SMOC2: variants seen among roughly 807,000 people sequenced by gnomAD.
The protein encoded by SMOC2 is SPARC related modular calcium binding 2, also known as SPARC-related modular calcium-binding protein 2.
A neutral mutation model predicts 61.4 loss-of-function variants in SMOC2; 39 were observed. That is an observed-to-expected ratio of 0.64 (90% CI 0.49 to 0.83). SMOC2 has a LOEUF of 0.83. SMOC2 is among the 40% of genes least tolerant of loss of function. The probability of loss-of-function intolerance (pLI) is 0.00; values close to 1 mark genes in which losing one functional copy is unlikely to be tolerated. For missense variants in SMOC2, 556 were observed against 592.9 expected (o/e 0.94, Z 0.65); for synonymous variants, 247 against 239.9 (o/e 1.03, Z -0.27).
At chr6:168,554,312 G>T (rs1445113215) in intron 7 of SMOC2, among the ~76,000 whole-genome samples, 1 of 152,192 alleles carries the variant, frequency 6.6e-6, no homozygotes, top group African/African-American at 2.4e-5. Flanking sequence ...AACTTGTCTC[G>T]ATTTCCATCA....
In SMOC2 at chr6:168,600,437, AAAAAAAAAC is replaced by A. The variant is rs1562374009; in HGVS notation, c.824+1435_824+1443del. 7.3e-4 allele frequency among the ~76,000 whole-genome samples: 91 copies of A among 124,736 alleles called. 1 individual carries two copies. The highest frequency in any genetic ancestry group is 1.8e-3 in the South Asian group (7 of 3,834). The allele number at this position is 124,736 out of a possible 152,430, so 81.8% of individuals were successfully genotyped here. On this transcript the variant is annotated intron_variant, in intron 8 of 12. Coordinates refer to ENST00000356284, the MANE Select transcript of SMOC2 (RefSeq NM_001166412.2). The stretch of plus-strand genomic sequence containing the variant: ...AAAAAAAAAACAAAAAAAAAAACAA[AAAAAAAAAC>A]AGTAGTTTCAACTGTTGGAAACTGG...
intron 8 of SMOC2, among the ~76,000 whole-genome samples, chr6:168,600,434 CAAA>C (rs965875287): frequency 4.7e-4 from 12 of 25,370 alleles, no homozygotes; most frequent in African/African-American, 1.4e-3. Flanking sequence ...AAAAAAAAAA[CAAA>C]AAAAAAAACA....
chr6:168,469,880 C>A (rs1418335600), intron 1 of SMOC2, among the ~76,000 whole-genome samples: 1 of 152,240 alleles, frequency 6.6e-6, no homozygotes, highest in East Asian at 1.9e-4. Flanking sequence ...GTGCATTTGT[C>A]TTTCTCGTTG....
chr6:168,560,386 G>T (rs977384730), intron 7 of SMOC2, among the ~76,000 whole-genome samples: 1 of 152,248 alleles, frequency 6.6e-6, no homozygotes, highest in African/African-American at 2.4e-5. Flanking sequence ...GAACATTTAA[G>T]TGATGGAAGA....
In SMOC2 at chr6:168,609,479, C is replaced by G. The variant is rs116349944; in HGVS notation, c.907+1240C>G. ...AGAGATCACGATGGTGCAAACACAC[C>G]CGTCCCTGTGCATGCCTAGTGAAGG... On this transcript the variant is annotated intron_variant, in intron 9 of 12. Transcript: ENST00000356284. Among the ~76,000 whole-genome samples the G allele has an allele frequency of 2.0e-3, 311 of 152,178 alleles. 1 individual carries two copies. The highest frequency in any genetic ancestry group is 7.2e-3 in the African/African-American group (298 of 41,510).
chr6:168,517,759 G>A (rs1026703631), intron 2 of SMOC2, among the ~76,000 whole-genome samples: 1 of 148,764 alleles, frequency 6.7e-6, no homozygotes. Flanking sequence ...GGGCTGGGCA[G>A]ACTCTGACGG....
chr6:168,599,625 CACACACA>C (rs1785474082), intron 8 of SMOC2, among the ~76,000 whole-genome samples: 10 of 48,876 alleles, frequency 2.0e-4, no homozygotes, highest in South Asian at 7.3e-4. Context: ...ACACTCATAC[CACACACA>C]CCCACACCCA....
chr6:168,588,192 C>G (rs1266985013), intron 7 of SMOC2, among the ~76,000 whole-genome samples: 1 of 145,282 alleles, frequency 6.9e-6, no homozygotes. Flanking sequence ...GGCATGATCT[C>G]GGCTCACTGT....
At chr6:168,659,615 AGGCTGAGTGAGGGTGGAGGTT>A (rs1787433903) in intron 11 of SMOC2, among the ~76,000 whole-genome samples, 3 of 39,850 alleles carry the variant, frequency 7.5e-5, no homozygotes, top group Non-Finnish European at 1.1e-4. Flanking sequence ...TGGAGGTTGT[AGGCTGAGTGAGGGTGGAGGTT>A]GTAGGTTGGG....
At chr6:168,633,994 T>A (rs955913582) in intron 9 of SMOC2, among the ~76,000 whole-genome samples, 2 of 152,216 alleles carry the variant, frequency 1.3e-5, no homozygotes, top group Non-Finnish European at 2.9e-5. Context: ...ACTTTGAACT[T>A]CTTCTTCCTG....
At chr6:168,518,995 G>T (rs111066665) in intron 2 of SMOC2, among the ~76,000 whole-genome samples, 1 of 150,578 alleles carries the variant, frequency 6.6e-6, no homozygotes, top group Non-Finnish European at 1.5e-5. Flanking sequence ...GTGTGTATGC[G>T]TGCATGTGTG....
chr6:168,653,307 T>G, intron 11 of SMOC2, 79 bp downstream of exon 11: 2 of 1,472,126 alleles, frequency 1.4e-6, no homozygotes, highest in Non-Finnish European at 1.8e-6. Context: ...CAAACACAAT[T>G]ACAGATTGTG....
At chr6:168,547,703 G>GA (rs1784039407) in intron 6 of SMOC2, among the ~76,000 whole-genome samples, 3 of 151,998 alleles carry the variant, frequency 2.0e-5, no homozygotes, top group African/African-American at 7.3e-5. Flanking sequence ...GGGTAAATGT[G>GA]TATCTAAACA....
chr6:168,441,992 G>T (rs1351007494), intron 1 of SMOC2, among the ~76,000 whole-genome samples: 1 of 152,228 alleles, frequency 6.6e-6, no homozygotes, highest in African/African-American at 2.4e-5. Flanking sequence ...CTCGTGCGCC[G>T]CGCGGATCCC....
intron 1 of SMOC2, among the ~76,000 whole-genome samples, chr6:168,498,883 C>G (rs978255617): frequency 5.3e-5 from 7 of 131,844 alleles, no homozygotes; most frequent in African/African-American, 1.9e-4. Context: ...GCCACAGTCT[C>G]TGGGGGGACA....
intron 1 of SMOC2, among the ~76,000 whole-genome samples, chr6:168,445,794 A>G (rs889958288): frequency 6.6e-6 from 1 of 152,182 alleles, no homozygotes; most frequent in Admixed American, 6.5e-5. Flanking sequence ...GCGTCTAAAA[A>G]CCCAAACATC....
At chr6:168,626,004 A>G (rs986131299) in intron 9 of SMOC2, among the ~76,000 whole-genome samples, 1 of 152,166 alleles carries the variant, frequency 6.6e-6, no homozygotes, top group African/African-American at 2.4e-5. Context: ...TGAGCAAGGC[A>G]ATGGTTAAGA....
intron 9 of SMOC2, among the ~76,000 whole-genome samples, chr6:168,617,569 C>T (rs1786126708): frequency 6.6e-6 from 1 of 152,200 alleles, no homozygotes; most frequent in South Asian, 2.1e-4. Flanking sequence ...CACTCACATC[C>T]GCTTGGACAA....
At chr6:168,548,348 T>A (rs1244950672) in intron 6 of SMOC2, among the ~76,000 whole-genome samples, 1 of 132,506 alleles carries the variant, frequency 7.5e-6, no homozygotes, top group African/African-American at 3.5e-5. Flanking sequence ...CTGCACTACA[T>A]TCCTTTTTTT....
Sources: allele counts gnomAD v4.1 joint callset (sites outside exome capture counted in the v4.1 genomes callset), GRCh38; gene constraint gnomAD v4.1.1; transcripts MANE v1.5; gene names NCBI Gene and HGNC (gene_info 2026-07-23, HGNC 2026-07-21).